ZFHX3: variants seen among roughly 807,000 people sequenced by gnomAD.
ZFHX3 encodes the protein zinc finger homeobox 3.
ZFHX3 carries 42 observed loss-of-function variants against 279.1 expected under a neutral mutation model. The ratio of observed to expected loss-of-function variants is 0.15; its 90% CI spans 0.12 to 0.19. The LOEUF is 0.19. Among genes scored for constraint, ZFHX3 ranks in the 10% least tolerant of loss-of-function variants. The pLI is 1.00. For missense variants in ZFHX3, 4,981 were observed against 4,754.0 expected (o/e 1.05, Z -1.40); for synonymous variants, 2,293 against 1,957.8 (o/e 1.17, Z -4.52).
chr16:73,706,491 G>A (rs2053306288), intron 1 of ZFHX3, among the ~76,000 whole-genome samples: 2 of 150,522 alleles, frequency 1.3e-5, no homozygotes, highest in South Asian at 4.2e-4. Flanking sequence ...AATCATTTCT[G>A]ATCATTTCTG....
chr16:73,443,772 T>A (rs2018136113), intron 3 of ZFHX3, among the ~76,000 whole-genome samples: 1 of 152,126 alleles, frequency 6.6e-6, no homozygotes, highest in Non-Finnish European at 1.5e-5. Context: ...TTTTCTTTTT[T>A]TGGAGACAGT....
chr16:73,145,394 G>A (rs946011780), intron 5 of ZFHX3, among the ~76,000 whole-genome samples: 14 of 152,338 alleles, frequency 9.2e-5, no homozygotes, highest in African/African-American at 3.1e-4. Flanking sequence ...AGCTAACACT[G>A]TTGTCAAATT....
intron 1 of ZFHX3, among the ~76,000 whole-genome samples, chr16:72,965,576 T>C (rs1961797898): frequency 6.6e-6 from 1 of 152,202 alleles, no homozygotes; most frequent in Non-Finnish European, 1.5e-5. Context: ...GTCAGTCAGA[T>C]GCTACAGAAT....
At chr16:73,721,473 C>T (rs2053473216) in intron 1 of ZFHX3, among the ~76,000 whole-genome samples, 1 of 152,168 alleles carries the variant, frequency 6.6e-6, no homozygotes, top group Non-Finnish European at 1.5e-5. Flanking sequence ...GCTCTTGATT[C>T]CCCAGTCCTT....
intron 3 of ZFHX3, among the ~76,000 whole-genome samples, chr16:73,377,393 C>T (rs1309472396): frequency 2.0e-5 from 3 of 152,100 alleles, no homozygotes; most frequent in African/African-American, 7.2e-5. Context: ...ACCATAAAGC[C>T]ACAGTGATTA....
chr16:72,862,615 CACTG>C lies in ZFHX3; in HGVS notation c.3448+27112_3448+27115del, dbSNP rs1309674233. Among the ~76,000 whole-genome samples the C allele has an allele frequency of 2.6e-5, 4 of 152,268 alleles. No homozygotes were observed. In the East Asian group the frequency reaches 7.7e-4, roughly 29 times the overall value. On this transcript the variant is annotated intron_variant, in intron 4 of 9. Transcript: ENST00000268489. ...GAGACATGTATCTCCTGATCAGATACACTGACTAACACACATGAAGCAGCCATGG... is the reference window on the plus strand; with the variant it reads ...GAGACATGTATCTCCTGATCAGATACACTAACACACATGAAGCAGCCATGG...
chr16:73,442,125 T>C (rs1567485325), intron 3 of ZFHX3, among the ~76,000 whole-genome samples: 1 of 151,918 alleles, frequency 6.6e-6, no homozygotes, highest in Non-Finnish European at 1.5e-5. Context: ...ATGACCAGAA[T>C]GAAAGAAATG....
At chr16:73,061,698 G>A (rs1020273786), upstream of ZFHX3, 4 of 151,920 alleles carry the variant, frequency 2.6e-5, no homozygotes, top group Admixed American at 2.0e-4. Context: ...CTGTCTTCAC[G>A]AATCTTCATA....
At chr16:72,995,517 G>A (rs553316060) in intron 1 of ZFHX3, among the ~76,000 whole-genome samples, 3 of 152,224 alleles carry the variant, frequency 2.0e-5, no homozygotes, top group East Asian at 1.9e-4. Flanking sequence ...TTGTCCCTCC[G>A]ATCACAACTA....
At chr16:73,522,986 CGCCCATA>C in intron 2 of ZFHX3, among the ~76,000 whole-genome samples, 1 of 152,014 alleles carries the variant, frequency 6.6e-6, no homozygotes, top group African/African-American at 2.4e-5. Context: ...CAGGTAACTG[CGCCCATA>C]ATTCAATTAC....
intron 1 of ZFHX3, among the ~76,000 whole-genome samples, chr16:73,001,426 T>C (rs1447923519): frequency 6.6e-6 from 1 of 152,170 alleles, no homozygotes; most frequent in Non-Finnish European, 1.5e-5. Flanking sequence ...AACTGTAAGA[T>C]AATAAGTGCT....
At chr16:73,080,454 T>C (rs1408358541) in intron 8 of ZFHX3, among the ~76,000 whole-genome samples, 1 of 152,228 alleles carries the variant, frequency 6.6e-6, no homozygotes, top group Non-Finnish European at 1.5e-5. Flanking sequence ...GTGATAGCAG[T>C]CTGAGCTATC....
chr16:72,896,090 G>A (rs985256420), intron 3 of ZFHX3, among the ~76,000 whole-genome samples: 3 of 152,178 alleles, frequency 2.0e-5, no homozygotes, highest in Admixed American at 6.5e-5. Flanking sequence ...AGAACCCAAC[G>A]ATCTCCAAGT....
intron 3 of ZFHX3, among the ~76,000 whole-genome samples, chr16:72,900,804 C>T (rs2039016575): frequency 6.6e-6 from 1 of 152,226 alleles, no homozygotes; most frequent in African/African-American, 2.4e-5. Flanking sequence ...TGACGCCGAT[C>T]TGGGACCACA....
chr16:73,582,213 G>A (rs1057204785), intron 2 of ZFHX3, among the ~76,000 whole-genome samples: 31 of 151,912 alleles, frequency 2.0e-4, no homozygotes, highest in Middle Eastern at 3.4e-3. Flanking sequence ...AAACACGACA[G>A]GCAAGAGTAT....
At chr16:73,084,070 T>C (rs374457119) in intron 8 of ZFHX3, among the ~76,000 whole-genome samples, 1 of 152,206 alleles carries the variant, frequency 6.6e-6, no homozygotes, top group African/African-American at 2.4e-5. Flanking sequence ...TGATAAATAT[T>C]TGGCAATGCA....
chr16:73,196,856 C>A (rs1405002447), intron 5 of ZFHX3, among the ~76,000 whole-genome samples: 1 of 152,158 alleles, frequency 6.6e-6, no homozygotes, highest in Admixed American at 6.5e-5. Context: ...ACATGAAAGG[C>A]ACTAAGTGGC....
chr16:73,455,730 CT>C (rs33959280), intron 3 of ZFHX3, among the ~76,000 whole-genome samples: 24,057 of 147,050 alleles, frequency 0.16, 3,341 homozygotes, highest in East Asian at 0.45. Flanking sequence ...TAAAATATTG[CT>C]TTTTTTTTTT....
intron 7 of ZFHX3, among the ~76,000 whole-genome samples, chr16:73,124,079 G>A (rs144030737): frequency 1.3e-3 from 204 of 152,336 alleles, no homozygotes; most frequent in Middle Eastern, 6.8e-3. Flanking sequence ...TGAGTCACAG[G>A]TGGGAAAATC....
Sources: gnomAD v4.1 joint callset for allele counts (sites outside exome capture counted in the v4.1 genomes callset) on GRCh38, gnomAD v4.1.1 for gene constraint, MANE v1.5 for transcripts, NCBI Gene and HGNC (gene_info 2026-07-23, HGNC 2026-07-21) for gene names.